EYS: variants seen among roughly 807,000 people sequenced by gnomAD.
EYS encodes the protein protein eyes shut homolog.
In EYS, 250 loss-of-function variants were observed where a neutral mutation model predicts 282.1. The ratio of observed to expected loss-of-function variants is 0.89; its 90% confidence interval spans 0.80 to 0.98. EYS has a LOEUF of 0.98. EYS is among the 50% of genes least tolerant of loss of function. EYS has a pLI of 0.00. For synonymous variants in EYS, 1,355 were observed against 1,282.9 expected (o/e 1.06, Z -1.20); for missense variants, 4,016 against 3,709.0 (o/e 1.08, Z -2.15).
intron 31 of EYS, among the ~76,000 whole-genome samples, chr6:64,135,785 C>CAAA (rs987660934): frequency 5.3e-5 from 8 of 151,898 alleles, no homozygotes; most frequent in Admixed American, 2.0e-4. Flanking sequence ...ATTTCATTGC[C>CAAA]AAAAAATGCT....
intron 13 of EYS, among the ~76,000 whole-genome samples, chr6:65,033,101 G>A (rs76338804): frequency 0.016 from 2,363 of 152,248 alleles, 56 homozygotes; most frequent in African/African-American, 0.054. Context: ...TAGAATACCT[G>A]GCAGAGGAAA....
chr6:64,532,797 G>A (rs1296730679), intron 26 of EYS, among the ~76,000 whole-genome samples: 3 of 152,122 alleles, frequency 2.0e-5, no homozygotes, highest in South Asian at 4.1e-4. Flanking sequence ...CCCACACAAC[G>A]TTCAACATAT....
At chr6:65,478,028 C>A (rs1194195257) in intron 5 of EYS, among the ~76,000 whole-genome samples, 2 of 152,112 alleles carry the variant, frequency 1.3e-5, no homozygotes, top group Admixed American at 6.5e-5. Flanking sequence ...GATTATCAAA[C>A]ATTTATTCAA....
intron 30 of EYS, among the ~76,000 whole-genome samples, chr6:64,236,523 G>C (rs9342179): frequency 4.6e-5 from 7 of 151,726 alleles, no homozygotes; most frequent in Admixed American, 2.6e-4. Flanking sequence ...AGGCTTCACC[G>C]TTTTACATTT....
intron 22 of EYS, among the ~76,000 whole-genome samples, chr6:64,751,214 A>C (rs1211391483): frequency 6.6e-6 from 1 of 152,110 alleles, no homozygotes; most frequent in African/African-American, 2.4e-5. Context: ...GGCATATGGC[A>C]CATTTGCTCC....
At chr6:64,798,587 T>C (rs1774433225) in intron 22 of EYS, among the ~76,000 whole-genome samples, 1 of 149,258 alleles carries the variant, frequency 6.7e-6, no homozygotes, top group African/African-American at 2.4e-5. Flanking sequence ...AGATTCATTC[T>C]GCCTGTTTCT....
chr6:64,315,823 A>G lies in EYS; in HGVS notation c.6079-8741T>C, dbSNP rs1582586069. Among the ~76,000 whole-genome samples, 3 of 151,694 alleles carry G rather than the reference A, an allele frequency of 2.0e-5. 1 individual carries two copies. Among genetic ancestry groups the G allele is most frequent in the Admixed American group, 2.0e-4 (3 of 15,204 alleles). The stretch of plus-strand genomic sequence containing the variant: ...CATCGATGAGAAAACCCTCAATAAA[A>G]TGCTGGCAAACTGAATCCAGCCACA... On this transcript the variant is annotated intron_variant, in intron 29 of 42. Transcript: ENST00000503581.
chr6:65,085,388 C>T (rs750844152), intron 12 of EYS, among the ~76,000 whole-genome samples: 10 of 152,054 alleles, frequency 6.6e-5, no homozygotes, highest in Admixed American at 1.3e-4. Flanking sequence ...ATATTTGAAC[C>T]TCCTTTCAGT....
chr6:64,668,675 C>T (rs575777192), intron 22 of EYS, among the ~76,000 whole-genome samples: 2 of 151,588 alleles, frequency 1.3e-5, no homozygotes, highest in East Asian at 2.0e-4. Flanking sequence ...CACCATTCTC[C>T]TGCCTCAGCC....
intron 12 of EYS, among the ~76,000 whole-genome samples, chr6:65,142,605 A>T (rs1231859229): frequency 6.6e-6 from 1 of 151,584 alleles, no homozygotes; most frequent in Non-Finnish European, 1.5e-5. Flanking sequence ...GCCACATAGA[A>T]TCACTCTGTA....
At chr6:65,404,005 T>A (rs115246815) in intron 6 of EYS, among the ~76,000 whole-genome samples, 1 of 152,030 alleles carries the variant, frequency 6.6e-6, no homozygotes, top group South Asian at 2.1e-4. Context: ...CAACAAAAAA[T>A]CATTATCTTA....
At chr6:64,624,870 A>AT (rs1051937265) in intron 23 of EYS, among the ~76,000 whole-genome samples, 6 of 151,722 alleles carry the variant, frequency 4.0e-5, no homozygotes, top group Admixed American at 1.3e-4. Context: ...AATAGGGACT[A>AT]TTTTTTTTCT....
chr6:65,348,207 T>C (rs1056237990), intron 9 of EYS, among the ~76,000 whole-genome samples: 1 of 151,822 alleles, frequency 6.6e-6, no homozygotes, highest in Non-Finnish European at 1.5e-5. Flanking sequence ...AGTGCAGATA[T>C]CTCTTCAATA....
chr6:65,519,138 T>C (rs1354379573), intron 2 of EYS, among the ~76,000 whole-genome samples: 2 of 152,180 alleles, frequency 1.3e-5, no homozygotes, highest in African/African-American at 4.8e-5. Context: ...TTTGGTAAAT[T>C]GTAGCACACT....
intron 18 of EYS, among the ~76,000 whole-genome samples, chr6:64,887,779 G>A (rs1767145544): frequency 6.6e-6 from 1 of 152,026 alleles, no homozygotes; most frequent in Non-Finnish European, 1.5e-5. Context: ...GAAAGTCTCA[G>A]GAACAGGACA....
intron 36 of EYS, among the ~76,000 whole-genome samples, chr6:63,830,138 T>A (rs1026935163): frequency 1.2e-4 from 18 of 152,068 alleles, no homozygotes; most frequent in South Asian, 2.1e-4. Context: ...AGTTGAAAAT[T>A]CTAAAAATCG....
chr6:64,326,204 C>T (rs1237495600), intron 29 of EYS, among the ~76,000 whole-genome samples: 4 of 152,060 alleles, frequency 2.6e-5, no homozygotes, highest in Non-Finnish European at 5.9e-5. Context: ...CCTTCCCCCA[C>T]TTACACTCAA....
intron 22 of EYS, among the ~76,000 whole-genome samples, chr6:64,771,370 G>A (rs1329390140): frequency 6.6e-6 from 1 of 151,406 alleles, no homozygotes; most frequent in Admixed American, 6.6e-5. Context: ...TACTTTATAT[G>A]TTGATGTTCC....
chr6:64,081,802 T>C (rs889201803), intron 32 of EYS, 54 bp downstream of exon 32: 1 of 1,312,202 alleles, frequency 7.6e-7, no homozygotes, highest in Non-Finnish European at 1.0e-6. Flanking sequence ...ATTCAATAGA[T>C]CAACGTTTGA....
Sources: allele counts gnomAD v4.1 joint callset (sites outside exome capture counted in the v4.1 genomes callset), GRCh38; gene constraint gnomAD v4.1.1; transcripts MANE v1.5; gene names NCBI Gene and HGNC (gene_info 2026-07-23, HGNC 2026-07-21).